ANKFN1: variants seen among roughly 807,000 people sequenced by gnomAD.
ANKFN1 encodes ankyrin repeat and fibronectin type III domain containing 1.
A neutral mutation model predicts 108.7 loss-of-function variants in ANKFN1; 74 were observed. The ratio of observed to expected loss-of-function variants is 0.68; its 90% CI spans 0.56 to 0.83. ANKFN1 has a LOEUF of 0.83. ANKFN1 is among the 40% of genes least tolerant of loss of function. The pLI is 0.00. For missense variants in ANKFN1, 1,505 were observed against 1,382.3 expected (o/e 1.09, Z -1.41); for synonymous variants, 547 against 516.2 (o/e 1.06, Z -0.81).
At chr17:56,057,136 A>G (rs920644602) in intron 4 of ANKFN1, among the ~76,000 whole-genome samples, 5 of 152,332 alleles carry the variant, frequency 3.3e-5, no homozygotes, top group Admixed American at 2.6e-4. Flanking sequence ...TTATCATGAG[A>G]TTGCAGCAAT....
At chr17:56,413,869 G>C (rs921200306) in intron 8 of ANKFN1, among the ~76,000 whole-genome samples, 1 of 151,544 alleles carries the variant, frequency 6.6e-6, no homozygotes, top group African/African-American at 2.4e-5. Flanking sequence ...ACAGAGATGG[G>C]GTTTCTCCAT....
chr17:56,225,545 G>C (rs749889722), intron 2 of ANKFN1, among the ~76,000 whole-genome samples: 1 of 152,176 alleles, frequency 6.6e-6, no homozygotes, highest in Non-Finnish European at 1.5e-5. Flanking sequence ...TTAATCACGA[G>C]GGGAGGGGAT....
intron 1 of ANKFN1, among the ~76,000 whole-genome samples, chr17:56,194,996 T>C (rs1913369796): frequency 6.6e-6 from 1 of 152,242 alleles, no homozygotes; most frequent in South Asian, 2.1e-4. Context: ...CAACTGAAGA[T>C]GTTTCATGAA....
In ANKFN1 at chr17:56,271,352, G is replaced by A. The variant is rs141456268; in HGVS notation, c.53+43395G>A. On this transcript the variant is annotated intron_variant, in intron 3 of 20. Coordinates refer to ENST00000682825, the MANE Select transcript of ANKFN1 (RefSeq NM_001370326.1). The stretch of plus-strand genomic sequence containing the variant: ...GCCACCAAACTGTAAGCTCCAGGTC[G>A]GGGACCATTCTTCCTTAGATACCAC... 1.5e-3 allele frequency among the ~76,000 whole-genome samples: 222 copies of A among 152,252 alleles called. 1 individual carries two copies. The highest frequency in any genetic ancestry group is 5.0e-3 in the African/African-American group (207 of 41,548).
rs1220253730 is a variant in ANKFN1 at position 56,408,862 on chromosome 17, T to C, written c.911-31465T>C. Among the ~76,000 whole-genome samples the C allele has an allele frequency of 2.0e-5, 3 of 151,914 alleles. No homozygotes were observed. In the East Asian group the frequency reaches 5.8e-4, roughly 29 times the overall value. On this transcript the variant is annotated intron_variant, in intron 8 of 20. Transcript: ENST00000682825. The stretch of plus-strand genomic sequence containing the variant: ...GTTTGAACGCAAAAAGTAAAAACAA[T>C]AGAGTTAGAAGGCAGTCATGAGATT...
chr17:56,199,389 T>C (rs1051087889), intron 1 of ANKFN1, among the ~76,000 whole-genome samples: 1 of 152,154 alleles, frequency 6.6e-6, no homozygotes, highest in African/African-American at 2.4e-5. Context: ...TAAGAAGATA[T>C]TTTCTGAAAA....
At chr17:56,153,733 G>A (rs890748847) in intron 1 of ANKFN1, 31 of 672,546 alleles carry the variant, frequency 4.6e-5, no homozygotes, top group Non-Finnish European at 6.5e-5. Context: ...TCTGTAATGT[G>A]TGTCTTTGTC....
In ANKFN1 at chr17:56,182,366, C is replaced by T. The variant is rs550400231; in HGVS notation, c.-71+28836C>T. On this transcript the variant is annotated intron_variant, in intron 1 of 20. Coordinates refer to ENST00000682825, the MANE Select transcript of ANKFN1 (RefSeq NM_001370326.1). ...TTGAAGGAAATTAAAAGTACTACTC[C>T]AGTGAAAACACAAATGATAAGAAAG... Among the ~76,000 whole-genome samples, 91 of 152,294 alleles carry T rather than the reference C, an allele frequency of 6.0e-4. 1 individual carries two copies. Among genetic ancestry groups the T allele is most frequent in the African/African-American group, 2.2e-3 (90 of 41,576 alleles).
chr17:56,095,253 G>C (rs187880791), intron 4 of ANKFN1, among the ~76,000 whole-genome samples: 1 of 150,530 alleles, frequency 6.6e-6, no homozygotes, highest in Non-Finnish European at 1.5e-5. Flanking sequence ...ATCAGGATAA[G>C]TTCAGAGGAA....
chr17:56,265,429 C>A (rs796970050), intron 3 of ANKFN1, among the ~76,000 whole-genome samples: 1 of 152,152 alleles, frequency 6.6e-6, no homozygotes, highest in African/African-American at 2.4e-5. Flanking sequence ...CCCCATGATC[C>A]AATCACTTCC....
At chr17:56,054,804 T>G (rs1333172415) in intron 4 of ANKFN1, among the ~76,000 whole-genome samples, 1 of 152,172 alleles carries the variant, frequency 6.6e-6, no homozygotes, top group African/African-American at 2.4e-5. Flanking sequence ...GAGGATCACT[T>G]GAGCCTGGGA....
At chr17:56,150,376 G>A (rs1253841547), upstream of ANKFN1, among the ~76,000 whole-genome samples, 1 of 152,274 alleles carries the variant, frequency 6.6e-6, no homozygotes, top group East Asian at 1.9e-4. Context: ...CTGGAGCTGG[G>A]TTACCGATAC....
chr17:56,187,711 A>G (rs1275449984), intron 1 of ANKFN1, among the ~76,000 whole-genome samples: 1 of 152,248 alleles, frequency 6.6e-6, no homozygotes, highest in Non-Finnish European at 1.5e-5. Flanking sequence ...GACTGGATTA[A>G]GAAAATGTGG....
intron 8 of ANKFN1, among the ~76,000 whole-genome samples, chr17:56,425,811 C>T (rs906638070): frequency 1.2e-4 from 19 of 152,230 alleles, no homozygotes; most frequent in Admixed American, 1.1e-3. Context: ...TTACTCTCAT[C>T]AGATTGTATT....
intron 3 of ANKFN1, among the ~76,000 whole-genome samples, chr17:56,280,871 C>G (rs1005930282): frequency 6.6e-6 from 1 of 152,068 alleles, no homozygotes; most frequent in Non-Finnish European, 1.5e-5. Context: ...GTGGGAGGGA[C>G]CTAGTGGGAG....
At chr17:56,080,548 G>A (rs1194804615) in intron 4 of ANKFN1, among the ~76,000 whole-genome samples, 1 of 152,200 alleles carries the variant, frequency 6.6e-6, no homozygotes, top group African/African-American at 2.4e-5. Context: ...TTTTCTGTGT[G>A]TCATTCTCCA....
intron 6 of ANKFN1, among the ~76,000 whole-genome samples, chr17:56,358,535 T>C (rs2046431544): frequency 2.0e-5 from 3 of 152,216 alleles, no homozygotes; most frequent in Non-Finnish European, 2.9e-5. Flanking sequence ...GCCTACTCAT[T>C]AGACGAATCT....
intron 1 of ANKFN1, among the ~76,000 whole-genome samples, chr17:56,154,728 A>G (rs879231559): frequency 6.6e-6 from 1 of 152,114 alleles, no homozygotes; most frequent in African/African-American, 2.4e-5. Context: ...ACAGTTTTCA[A>G]TATTTTGCCC....
intron 6 of ANKFN1, among the ~76,000 whole-genome samples, chr17:56,364,422 A>G (rs1046952992): frequency 3.9e-5 from 6 of 152,172 alleles, no homozygotes; most frequent in Non-Finnish European, 7.4e-5. Flanking sequence ...AATTAATGCA[A>G]CCTATTTCTT....
Sources: allele counts gnomAD v4.1 joint callset (sites outside exome capture counted in the v4.1 genomes callset), GRCh38; gene constraint gnomAD v4.1.1; transcripts MANE v1.5; gene names NCBI Gene and HGNC (gene_info 2026-07-23, HGNC 2026-07-21).